Variants in CYP39A1 observed in about 807,000 individuals in gnomAD.
CYP39A1 encodes cytochrome P450 family 39 subfamily A member 1.
Under a neutral mutation model 58.1 loss-of-function variants are expected in CYP39A1, and 49 were observed. That is an observed-to-expected ratio of 0.84 (90% CI 0.67 to 1.07). CYP39A1 has a LOEUF of 1.07. Among genes scored for constraint, CYP39A1 ranks in the 50% least tolerant of loss-of-function variants. CYP39A1 has a pLI of 0.00. For synonymous variants in CYP39A1, 209 were observed against 187.6 expected (o/e 1.11, Z -0.93); for missense variants, 531 against 539.4 (o/e 0.98, Z 0.16).
chr6:46,578,384 C>T (rs6928629), intron 10 of CYP39A1, among the ~76,000 whole-genome samples: 30,374 of 151,696 alleles, frequency 0.2, 3,156 homozygotes, highest in African/African-American at 0.21. Context: ...AAGCACAAAC[C>T]AACCCCAAAG....
rs142241435 is a variant in CYP39A1 at position 46,573,984 on chromosome 6, C to G, written c.1250+13093G>C. 3.1e-3 allele frequency among the ~76,000 whole-genome samples: 477 copies of G among 152,238 alleles called. 1 individual carries two copies. Among genetic ancestry groups the G allele is most frequent in the Middle Eastern group, 0.014 (4 of 294 alleles). On this transcript the variant is annotated intron_variant, in intron 10 of 11. Transcript: ENST00000275016. ...TGAGGATACTTTTGGTTGCAAGGAA[C>G]AGAAAACACACATCAGACTGATTTC...
chr6:46,576,998 G>A (rs1339726783), intron 10 of CYP39A1, among the ~76,000 whole-genome samples: 2 of 152,022 alleles, frequency 1.3e-5, no homozygotes, highest in African/African-American at 2.4e-5. Flanking sequence ...CAAAGTCAAT[G>A]CAAAAGAAAA....
intron 5 of CYP39A1, among the ~76,000 whole-genome samples, chr6:46,632,991 C>G (rs531289721): frequency 4.0e-5 from 6 of 151,868 alleles, no homozygotes; most frequent in African/African-American, 1.5e-4. Flanking sequence ...CTATTATTTA[C>G]TAAAGCATGT....
chr6:46,615,399 G>A (rs149088029), intron 7 of CYP39A1, among the ~76,000 whole-genome samples: 1,560 of 151,554 alleles, frequency 0.01, 23 homozygotes, highest in African/African-American at 0.036. Flanking sequence ...GTGACCCCTC[G>A]CTTAAAGACT....
chr6:46,650,484 C>CTTTTTTTT lies in CYP39A1; in HGVS notation c.177+1914_177+1921dup, dbSNP rs567314746. Among the ~76,000 whole-genome samples the CTTTTTTTT allele has an allele frequency of 1.6e-3, 55 of 35,190 alleles. 10 individuals are homozygous for CTTTTTTTT. The highest frequency in any genetic ancestry group is 2.9e-3 in the East Asian group (3 of 1,042). The allele number at this position is 35,190 out of a possible 152,430, so 23.1% of individuals were successfully genotyped here. A position where few individuals can be genotyped will look rare whatever the true frequency, so the allele number is the denominator to read the frequency against. The stretch of plus-strand genomic sequence containing the variant: ...AAACATCAAATAATGCAGTCATATT[C>CTTTTTTTT]TTTTTTTTTTTTTTTTTTTTTTTTT... On this transcript the variant is annotated intron_variant, in intron 1 of 11. Transcript: ENST00000275016.
At chr6:46,587,962 T>C in intron 9 of CYP39A1, 72 bp downstream of exon 9, 1 of 912,486 alleles carries the variant, frequency 1.1e-6, no homozygotes, top group Non-Finnish European at 1.6e-6. Flanking sequence ...CTAATTAATT[T>C]CTGAATTTAC....
chr6:46,588,734 G>A (rs1772632090), intron 8 of CYP39A1, among the ~76,000 whole-genome samples: 1 of 152,168 alleles, frequency 6.6e-6, no homozygotes, highest in African/African-American at 2.4e-5. Context: ...CGACTGGTTA[G>A]GAAGACACAG....
intron 10 of CYP39A1, among the ~76,000 whole-genome samples, chr6:46,561,616 A>C (rs1770976846): frequency 6.6e-6 from 1 of 152,086 alleles, no homozygotes; most frequent in Non-Finnish European, 1.5e-5. Flanking sequence ...GCCATGTGAC[A>C]GTGTTGGGAC....
At chr6:46,562,293 G>A (rs533928735) in intron 10 of CYP39A1, among the ~76,000 whole-genome samples, 9 of 151,990 alleles carry the variant, frequency 5.9e-5, no homozygotes, top group African/African-American at 2.2e-4. Flanking sequence ...AAAGTGCTGG[G>A]ATTATAGGCA....
rs137944677 is a variant in CYP39A1 at position 46,580,366 on chromosome 6, G to A, written c.1250+6711C>T. 3.8e-3 allele frequency among the ~76,000 whole-genome samples: 580 copies of A among 152,192 alleles called. 3 individuals are homozygous for A. Among genetic ancestry groups the A allele is most frequent in the African/African-American group, 0.013 (557 of 41,556 alleles). ...TACAAAAATCAACTCAAGATGAATT[G>A]AAGACTTAAATGTAAGACCTAAAAC... On this transcript the variant is annotated intron_variant, in intron 10 of 11. Coordinates refer to ENST00000275016, the MANE Select transcript of CYP39A1 (RefSeq NM_016593.5).
chr6:46,600,837 T>A (rs542617151), intron 7 of CYP39A1, among the ~76,000 whole-genome samples: 2 of 152,306 alleles, frequency 1.3e-5, no homozygotes, highest in African/African-American at 4.8e-5. Flanking sequence ...AGCATAGTGT[T>A]TCCCTGAGTT....
At chr6:46,617,723 A>T (rs1774696150) in intron 7 of CYP39A1, among the ~76,000 whole-genome samples, 1 of 152,114 alleles carries the variant, frequency 6.6e-6, no homozygotes, top group Non-Finnish European at 1.5e-5. Flanking sequence ...TCTAATTGGG[A>T]TTTCACATTC....
chr6:46,625,485 G>A lies in CYP39A1; in HGVS notation c.864C>T (p.Tyr288=), dbSNP rs149313145. ...AVPVAFWTLA[Y]VLSHPDIHKA... is the part of the protein sequence containing the mutation. Reference sequence around the variant, plus strand: ...TGTGGATATCAGGATGAGAAAGGACGTATGCAAGTGTCCAAAATGCAACCT... The same window carrying A: ...TGTGGATATCAGGATGAGAAAGGACATATGCAAGTGTCCAAAATGCAACCT... Residue 288 remains tyrosine, a synonymous_variant, in exon 7 of 12, where the codon TAC becomes TAT. Transcript: ENST00000275016. 5.7e-4 allele frequency: 923 copies of A among 1,609,276 alleles called. 7 individuals are homozygous for A. The highest frequency in any genetic ancestry group is 3.7e-3 in the Middle Eastern group (22 of 6,008).
At chr6:46,635,424 C>T (rs1373956522) in intron 5 of CYP39A1, among the ~76,000 whole-genome samples, 2 of 152,136 alleles carry the variant, frequency 1.3e-5, no homozygotes, top group African/African-American at 4.8e-5. Context: ...ACCCTGGCCT[C>T]AGACAGTTTT....
chr6:46,580,167 T>C (rs546737371), intron 10 of CYP39A1, among the ~76,000 whole-genome samples: 1 of 152,174 alleles, frequency 6.6e-6, no homozygotes, highest in African/African-American at 2.4e-5. Context: ...TATGGACCAA[T>C]GGAACAAATT....
chr6:46,589,775 GT>G (rs1161054455), intron 8 of CYP39A1, among the ~76,000 whole-genome samples: 2 of 152,098 alleles, frequency 1.3e-5, no homozygotes, highest in South Asian at 2.1e-4. Flanking sequence ...GCCGTGATGT[GT>G]ATTTGAGAGC....
intron 7 of CYP39A1, among the ~76,000 whole-genome samples, chr6:46,596,512 A>C (rs150463741): frequency 2.0e-5 from 3 of 152,190 alleles, no homozygotes; most frequent in Non-Finnish European, 4.4e-5. Context: ...ACAAAGAAAA[A>C]GATACGAGAA....
At position 46,596,319 on chromosome 6, in the gene CYP39A1, C is replaced by G. The variant is rs528236963; in HGVS notation, c.932-199G>C. On this transcript the variant is annotated intron_variant, in intron 7 of 11. Transcript: ENST00000275016. ...TCTTGACAAGGTAAAATGTATGACACAAAAAACTAAGCCAATGTTGATTAC... is the reference window on the plus strand; with the variant it reads ...TCTTGACAAGGTAAAATGTATGACAGAAAAAACTAAGCCAATGTTGATTAC... Among the ~76,000 whole-genome samples the G allele has an allele frequency of 6.6e-5, 10 of 152,084 alleles. No homozygotes were observed. In the South Asian group the frequency reaches 1.7e-3, roughly 25 times the overall value.
intron 10 of CYP39A1, among the ~76,000 whole-genome samples, chr6:46,574,592 T>C (rs1030444401): frequency 2.6e-5 from 4 of 152,146 alleles, no homozygotes; most frequent in Admixed American, 6.5e-5. Context: ...ACCTAACTTA[T>C]TAAAGAGCAG....
Sources: allele counts gnomAD v4.1 joint callset (sites outside exome capture counted in the v4.1 genomes callset), GRCh38; gene constraint gnomAD v4.1.1; transcripts MANE v1.5; gene names NCBI Gene and HGNC (gene_info 2026-07-23, HGNC 2026-07-21).